Variants in PCSK6 observed in about 807,000 individuals in gnomAD.
The protein encoded by PCSK6 is proprotein convertase subtilisin/kexin type 6, also known as paired basic amino acid cleaving enzyme 4.
Under a neutral mutation model 123.3 loss-of-function variants are expected in PCSK6, and 85 were observed. The ratio of observed to expected loss-of-function variants is 0.69; its 90% CI spans 0.58 to 0.83. The LOEUF is 0.83. PCSK6 is among the 40% of genes least tolerant of loss of function. The pLI, the probability that PCSK6 is intolerant of heterozygous loss-of-function variation, is 0.00. For synonymous variants in PCSK6, 508 were observed against 516.0 expected, an observed-to-expected ratio of 0.98 and a Z score of 0.21; for missense variants, 1,191 against 1,282.3, an observed-to-expected ratio of 0.93 and a Z score of 1.09.
chr15:101,414,441 T>G (rs1051583567), intron 6 of PCSK6, among the ~76,000 whole-genome samples: 1 of 152,204 alleles, frequency 6.6e-6, no homozygotes, highest in Non-Finnish European at 1.5e-5. Context: ...TGATGCATGA[T>G]GTAAACTTGT....
intron 6 of PCSK6, among the ~76,000 whole-genome samples, chr15:101,427,680 A>G (rs1484337067): frequency 1.3e-5 from 2 of 152,244 alleles, no homozygotes; most frequent in Non-Finnish European, 2.9e-5. Flanking sequence ...TTTTCAGGCA[A>G]AACAGTAAGC....
intron 6 of PCSK6, among the ~76,000 whole-genome samples, chr15:101,404,210 G>A (rs1018738235): frequency 4.6e-5 from 7 of 152,192 alleles, no homozygotes; most frequent in Admixed American, 2.0e-4. Context: ...CAAAGGAGTC[G>A]TAACAGGGGC....
intron 6 of PCSK6, among the ~76,000 whole-genome samples, chr15:101,413,918 GC>G (rs1344473163): frequency 6.6e-6 from 1 of 151,882 alleles, no homozygotes; most frequent in Non-Finnish European, 1.5e-5. Context: ...TTAAAAAATG[GC>G]CCAAATATAT....
At chr15:101,377,200 TCTTAGGCACTGGCAC>T (rs752824234) in intron 11 of PCSK6, among the ~76,000 whole-genome samples, 3 of 13,116 alleles carry the variant, frequency 2.3e-4, no homozygotes, top group East Asian at 1.8e-3. Flanking sequence ...GCAGCTGTGC[TCTTAGGCACTGGCAC>T]CTGGCCAAGG....
At chr15:101,396,202 G>A (rs2042407583) in intron 7 of PCSK6, among the ~76,000 whole-genome samples, 1 of 152,082 alleles carries the variant, frequency 6.6e-6, no homozygotes, top group Admixed American at 6.5e-5. Context: ...ACAAGAATGA[G>A]GGGAAACCAC....
intron 3 of PCSK6, 43 bp from the exon 4 acceptor site, chr15:101,431,506 C>CCAGATGCAGAACTGACA: frequency 6.2e-7 from 1 of 1,611,598 alleles, no homozygotes; most frequent in Non-Finnish European, 8.5e-7. Context: ...CATGGACATT[C>CCAGATGCAGAACTGACA]CAGATGCAGA....
intron 6 of PCSK6, among the ~76,000 whole-genome samples, chr15:101,412,713 A>ATATAT (rs201205244): frequency 8.9e-6 from 1 of 112,668 alleles, no homozygotes; most frequent in Non-Finnish European, 2.1e-5. Flanking sequence ...ATATATATAT[A>ATATAT]AAATTACCCA....
At chr15:101,352,841 A>G (rs1182981165) in intron 13 of PCSK6, among the ~76,000 whole-genome samples, 1 of 152,232 alleles carries the variant, frequency 6.6e-6, no homozygotes, top group Non-Finnish European at 1.5e-5. Context: ...TGAAGAAGAG[A>G]TATCTCAGTG....
At chr15:101,369,165 G>A (rs1449337449) in intron 12 of PCSK6, among the ~76,000 whole-genome samples, 1 of 152,252 alleles carries the variant, frequency 6.6e-6, no homozygotes, top group Non-Finnish European at 1.5e-5. Flanking sequence ...CTTGCCTGCT[G>A]CAGAGAGACC....
intron 13 of PCSK6, among the ~76,000 whole-genome samples, chr15:101,344,334 A>G (rs1433004664): frequency 6.6e-6 from 1 of 152,188 alleles, no homozygotes; most frequent in Non-Finnish European, 1.5e-5. Flanking sequence ...AAATTGCATA[A>G]AAGATTAGAG....
chr15:101,436,226 GC>G, intron 2 of PCSK6, among the ~76,000 whole-genome samples: 1 of 152,292 alleles, frequency 6.6e-6, no homozygotes, highest in East Asian at 1.9e-4. Flanking sequence ...AAGGAGAGGG[GC>G]TTCAGTCTTT....
intron 1 of PCSK6, among the ~76,000 whole-genome samples, chr15:101,455,251 A>G (rs1297595319): frequency 6.6e-6 from 1 of 152,156 alleles, no homozygotes; most frequent in African/African-American, 2.4e-5. Flanking sequence ...GCTCCAGTGT[A>G]CCAGCAGCAT....
rs1313321510 is a variant in PCSK6 at position 101,398,221 on chromosome 15, G to C, written c.996+183C>G. Among the ~76,000 whole-genome samples, 2 of 152,172 alleles carry C rather than the reference G, an allele frequency of 1.3e-5. No homozygotes were observed. The highest frequency in any genetic ancestry group is 4.8e-5 in the African/African-American group (2 of 41,434). Reference sequence around the variant, plus strand: ...ACGAGGCAAAAACACTTCTGCTCTCGCCGGTCAAGAGCCACTTCTCAGACT... The same window carrying C: ...ACGAGGCAAAAACACTTCTGCTCTCCCCGGTCAAGAGCCACTTCTCAGACT... On this transcript the variant is annotated intron_variant, in intron 7 of 21. Transcript: ENST00000611716. This position sits in a 1 kb window ranked among gnomAD's most constrained non-coding sequence, Gnocchi z 4.6.
chr15:101,445,853 G>T (rs904523493), intron 1 of PCSK6, among the ~76,000 whole-genome samples: 1 of 152,190 alleles, frequency 6.6e-6, no homozygotes, highest in Non-Finnish European at 1.5e-5. Flanking sequence ...CTCATGACAG[G>T]GGGGCCTGGA....
intron 18 of PCSK6, among the ~76,000 whole-genome samples, chr15:101,321,683 G>C (rs1048526314): frequency 1.3e-5 from 2 of 152,202 alleles, no homozygotes; most frequent in Non-Finnish European, 2.9e-5. Context: ...GCCCTCCACC[G>C]CCTCACCCTG....
chr15:101,463,328 C>T (rs981608388), intron 1 of PCSK6, among the ~76,000 whole-genome samples: 14 of 152,142 alleles, frequency 9.2e-5, no homozygotes, highest in African/African-American at 2.9e-4. Flanking sequence ...GTGTTTCTCC[C>T]CGAATATCAC....
At chr15:101,341,221 C>T (rs112164549) in intron 13 of PCSK6, among the ~76,000 whole-genome samples, 19,571 of 149,090 alleles carry the variant, frequency 0.13, 1,404 homozygotes, top group Middle Eastern at 0.21. Flanking sequence ...AGGTGTGAGC[C>T]GCACCGCGCC....
intron 13 of PCSK6, among the ~76,000 whole-genome samples, chr15:101,343,758 T>C (rs2040670953): frequency 6.6e-6 from 1 of 152,230 alleles, no homozygotes; most frequent in South Asian, 2.1e-4. Flanking sequence ...TGGCTCGACA[T>C]GTGGCCAATT....
chr15:101,315,955 A>G (rs2039981865), intron 19 of PCSK6, among the ~76,000 whole-genome samples: 1 of 152,122 alleles, frequency 6.6e-6, no homozygotes, highest in African/African-American at 2.4e-5. Flanking sequence ...AAGGGTGGGG[A>G]CAGATTCCGC....
Sources: gnomAD v4.1 joint callset for allele counts (sites outside exome capture counted in the v4.1 genomes callset) on GRCh38, gnomAD v4.1.1 for gene constraint, Gnocchi (gnomAD v3.1) non-coding constraint, MANE v1.5 for transcripts, NCBI Gene and HGNC (gene_info 2026-07-23, HGNC 2026-07-21) for gene names.